The following SCCPDH variants were observed in gnomAD, a reference collection of about 807,000 sequenced individuals.
SCCPDH encodes saccharopine dehydrogenase-like oxidoreductase.
In SCCPDH, 34 loss-of-function variants were observed where a neutral mutation model predicts 51.5. That is an observed-to-expected ratio of 0.66 (90% CI 0.50 to 0.88). SCCPDH has a LOEUF of 0.88. Ranked by LOEUF, SCCPDH falls within the 40% of genes least tolerant of loss-of-function variation. The pLI is 0.00. For synonymous variants in SCCPDH, 187 were observed against 191.3 expected (o/e 0.98, Z 0.19); for missense variants, 464 against 527.1 (o/e 0.88, Z 1.17).
intron 5 of SCCPDH, among the ~76,000 whole-genome samples, chr1:246,750,420 G>A (rs965774536): frequency 1.5e-4 from 23 of 152,156 alleles, no homozygotes; most frequent in African/African-American, 4.8e-4. Context: ...ACATCTTTCC[G>A]AGGGGCAGTT....
At chr1:246,740,916 A>C (rs1236307712) in intron 4 of SCCPDH, among the ~76,000 whole-genome samples, 1 of 151,958 alleles carries the variant, frequency 6.6e-6, no homozygotes, top group Non-Finnish European at 1.5e-5. Context: ...CTCGTCCCTA[A>C]GAAATAAAAA....
At position 246,767,543 on chromosome 1, in the gene SCCPDH, G is replaced by C; in HGVS notation, c.*243G>C. On this transcript the variant is annotated 3_prime_UTR_variant, in exon 12 of 12. Coordinates refer to ENST00000366510, the MANE Select transcript of SCCPDH (RefSeq NM_016002.3). ...TTTGACATATTTTTTTCATTGATGT[G>C]TTCCTGGTAGATTTTCACGAATGAG... 1 of 240,122 alleles carries C rather than the reference G, an allele frequency of 4.2e-6. No homozygotes were observed. The highest frequency in any genetic ancestry group is 8.0e-6 in the Non-Finnish European group (1 of 125,532). The allele number at this position is 240,122 out of a possible 1,614,324, so 14.9% of individuals were successfully genotyped here. A position where few individuals can be genotyped will look rare whatever the true frequency, so the allele number is the denominator to read the frequency against.
chr1:246,750,947 G>A (rs1329531000), intron 5 of SCCPDH, among the ~76,000 whole-genome samples: 2 of 152,218 alleles, frequency 1.3e-5, no homozygotes, highest in African/African-American at 4.8e-5. Context: ...ATAAATTCCT[G>A]TGCACCCATA....
chr1:246,740,575 C>T (rs1250438069), intron 4 of SCCPDH, among the ~76,000 whole-genome samples: 1 of 152,062 alleles, frequency 6.6e-6, no homozygotes, highest in Admixed American at 6.6e-5. Context: ...ACTTTGGCAA[C>T]GTTATAAATT....
chr1:246,752,917 T>A (rs909083445), intron 5 of SCCPDH, among the ~76,000 whole-genome samples: 1 of 152,224 alleles, frequency 6.6e-6, no homozygotes, highest in African/African-American at 2.4e-5. Context: ...CTATTTTTAA[T>A]TCGAAACATT....
chr1:246,748,055 T>C (rs978952167), intron 5 of SCCPDH, among the ~76,000 whole-genome samples: 2 of 152,158 alleles, frequency 1.3e-5, no homozygotes, highest in African/African-American at 4.8e-5. Flanking sequence ...CTTTCAATTT[T>C]CTTGTTATTT....
chr1:246,759,345 C>T (rs1262336093), intron 7 of SCCPDH, among the ~76,000 whole-genome samples, 194 bp downstream of exon 7: 1 of 152,160 alleles, frequency 6.6e-6, no homozygotes, highest in Non-Finnish European at 1.5e-5. Flanking sequence ...TCAGATCTGG[C>T]TGCTGAATAT....
chr1:246,737,496 A>G (rs1247389471), intron 3 of SCCPDH, among the ~76,000 whole-genome samples: 1 of 152,030 alleles, frequency 6.6e-6, no homozygotes, highest in Non-Finnish European at 1.5e-5. Flanking sequence ...AAACAAAAAC[A>G]AAAAACAATT....
In SCCPDH at chr1:246,768,088, G is replaced by T. The variant is rs1032794905; in HGVS notation, c.*788G>T. 1 of 152,126 alleles carries T rather than the reference G, an allele frequency of 6.6e-6. No homozygotes were observed. Among genetic ancestry groups the T allele is most frequent in the African/African-American group, 2.4e-5 (1 of 41,432 alleles). The allele number at this position is 152,126 out of a possible 1,614,324, so 9.4% of individuals were successfully genotyped here. ...ATGGAAGCCCTAAAATAAGGCAAAA[G>T]ACTTTTTCTTTTGTAATAAGCATAT... On this transcript the variant is annotated 3_prime_UTR_variant, in exon 12 of 12. Transcript: ENST00000366510.
chr1:246,751,489 A>G (rs146498668), intron 5 of SCCPDH, among the ~76,000 whole-genome samples: 1,689 of 152,218 alleles, frequency 0.011, 27 homozygotes, highest in African/African-American at 0.039. Flanking sequence ...CCACATTCTT[A>G]TGCCTCCTTA....
chr1:246,740,227 A>T lies in SCCPDH; in HGVS notation c.440A>T (p.Tyr147Phe). Residue 147 changes from tyrosine (Y) to phenylalanine (F), a missense_variant, in exon 4 of 12, where the codon TAT (tyrosine) becomes TTT (phenylalanine). Tyr to Phe is a conservative substitution (Grantham distance 22). Transcript: ENST00000366510. ...GAGAAAGCTGCAGACAAAGGGGTTT[A>T]TATCATTGGAAGCAGCGGCTTTGAC... ...YHEKAADKGV[Y>F]IIGSSGFDSI... The T allele has an allele frequency of 6.2e-7, 1 of 1,610,302 alleles. No homozygotes were observed. Among genetic ancestry groups the T allele is most frequent in the Non-Finnish European group, 8.5e-7 (1 of 1,177,050 alleles).
intron 1 of SCCPDH, among the ~76,000 whole-genome samples, chr1:246,726,656 T>TC (rs1389665194): frequency 3.9e-5 from 6 of 152,356 alleles, no homozygotes; most frequent in African/African-American, 1.4e-4. Context: ...TGATTCGATT[T>TC]TTTTTAAAAG....
rs7364715 is a variant in SCCPDH at position 246,750,061 on chromosome 1, G to C, written c.564+5936G>C. Among the ~76,000 whole-genome samples, 426 of 151,540 alleles carry C rather than the reference G, an allele frequency of 2.8e-3. 1 individual carries two copies. Among genetic ancestry groups the C allele is most frequent in the African/African-American group, 9.8e-3 (400 of 40,936 alleles). On this transcript the variant is annotated intron_variant, in intron 5 of 11. Transcript: ENST00000366510. ...GGAATAGCTGTCCATGATTCTGGAG[G>C]GGGTGGTGCTCTTTGGACCCAGGTG...
intron 5 of SCCPDH, among the ~76,000 whole-genome samples, chr1:246,745,977 A>G (rs900875099): frequency 1.7e-4 from 26 of 152,044 alleles, no homozygotes; most frequent in African/African-American, 4.8e-4. Flanking sequence ...GCGTGGTGGC[A>G]GGCACCTGTA....
chr1:246,766,019 T>C (rs141774997), intron 10 of SCCPDH, 39 bp from the exon 11 acceptor site: 2 of 1,394,454 alleles, frequency 1.4e-6, no homozygotes, highest in African/African-American at 2.9e-5. Context: ...GGGTACTTCA[T>C]GATTCCTTTC....
intron 4 of SCCPDH, 54 bp downstream of exon 4, chr1:246,740,355 T>G: frequency 7.0e-7 from 1 of 1,431,026 alleles, no homozygotes; most frequent in Admixed American, 2.2e-5. Flanking sequence ...TGCAAAGGCT[T>G]CATGTTTCTA....
chr1:246,725,665 A>G (rs1668387351), intron 1 of SCCPDH, among the ~76,000 whole-genome samples: 1 of 152,196 alleles, frequency 6.6e-6, no homozygotes, highest in Non-Finnish European at 1.5e-5. Flanking sequence ...ACCAACACGT[A>G]ATTCTGACCA....
chr1:246,746,087 G>C (rs187340289), intron 5 of SCCPDH, among the ~76,000 whole-genome samples: 1 of 128,106 alleles, frequency 7.8e-6, no homozygotes, highest in East Asian at 2.2e-4. Flanking sequence ...CAGCCTGGGC[G>C]ACAGAGCGAG....
rs1668990987 is a variant in SCCPDH, at chr1:246,760,172, T to C, written c.935T>C (p.Phe312Ser). The stretch of plus-strand genomic sequence containing the variant: ...CTGACGGTTTTTTTTTCCCTTTAGT[T>C]CCCATGGTTCTTCTCCTTTGGCTAT... Reference protein sequence around the residue: ...FGIGRQLLIKFPWFFSFGYFS... With the variant: ...FGIGRQLLIKSPWFFSFGYFS... Residue 312 changes from phenylalanine to serine, a missense_variant and splice_region_variant, in exon 9 of 12, where the codon TTC (phenylalanine) becomes TCC (serine). Transcript: ENST00000366510. 1.2e-6 allele frequency: 2 copies of C among 1,607,828 alleles called. No individual in the cohort carries two copies. Among genetic ancestry groups the C allele is most frequent in the Non-Finnish European group, 1.7e-6 (2 of 1,178,494 alleles).
Sources: gnomAD v4.1 joint callset for allele counts (sites outside exome capture counted in the v4.1 genomes callset) on GRCh38, gnomAD v4.1.1 for gene constraint, MANE v1.5 for transcripts, NCBI Gene and HGNC (gene_info 2026-07-23, HGNC 2026-07-21) for gene names.